The following SCARB1 variants were observed in gnomAD, a reference collection of about 807,000 sequenced individuals.
SCARB1 encodes scavenger receptor class B member 1, also known as CD36 and LIMPII analogous 1.
Under a neutral mutation model 57.2 loss-of-function variants are expected in SCARB1, and 30 were observed. The ratio of observed to expected loss-of-function variants is 0.52; its 90% CI spans 0.39 to 0.71. The LOEUF is 0.71. SCARB1 is among the 30% of genes least tolerant of loss of function. The probability of loss-of-function intolerance (pLI) is 0.00; values close to 1 mark genes in which losing one functional copy is unlikely to be tolerated. For synonymous variants in SCARB1, 249 were observed against 268.3 expected (o/e 0.93, Z 0.70); for missense variants, 543 against 671.2 (o/e 0.81, Z 2.11).
rs538793419 is a variant in SCARB1 at position 124,843,652 on chromosome 12, A to G, written c.126+19943T>C. On this transcript the variant is annotated intron_variant, in intron 1 of 12. Transcript: ENST00000261693. Reference sequence around the variant, plus strand: ...CCTTATTTAAAAATAGGGTCTCTACAGATGTTACCAAGTTAAGGATCCCAA... The same window carrying G: ...CCTTATTTAAAAATAGGGTCTCTACGGATGTTACCAAGTTAAGGATCCCAA... Among the ~76,000 whole-genome samples the G allele has an allele frequency of 5.3e-5, 8 of 152,190 alleles. No homozygotes were observed. The South Asian group carries it at 1.7e-3, about 32-fold the overall frequency.
rs1856598407 is a variant in SCARB1, at chr12:124,810,980, C to CGGGGAGT, written c.727-698_727-692dup. 6.6e-6 allele frequency among the ~76,000 whole-genome samples: 1 copy of CGGGGAGT among 152,042 alleles called. No homozygotes were observed. Among genetic ancestry groups the CGGGGAGT allele is most frequent in the Non-Finnish European group, 1.5e-5 (1 of 68,024 alleles). On this transcript the variant is annotated intron_variant, in intron 5 of 12. Transcript: ENST00000261693. This position sits in a 1 kb window ranked among gnomAD's most constrained non-coding sequence, Gnocchi z 4.0. ...CTCAGGGTCTTTGCAGTAACTACCA[C>CGGGGAGT]GGGGAGTGGGGAGTGGGAAGTCACA...
intron 1 of SCARB1, among the ~76,000 whole-genome samples, chr12:124,856,987 G>A (rs1039670593): frequency 2.6e-5 from 4 of 152,216 alleles, no homozygotes; most frequent in African/African-American, 4.8e-5. Flanking sequence ...ACAAAGCCTC[G>A]AAGGGACCCT....
intron 1 of SCARB1, among the ~76,000 whole-genome samples, chr12:124,847,508 C>G (rs919669900): frequency 6.6e-6 from 1 of 152,256 alleles, no homozygotes; most frequent in South Asian, 2.1e-4. Context: ...CTCCATCCAG[C>G]CTCCCGTTTC....
chr12:124,799,448 C>A (rs755743976), intron 8 of SCARB1, among the ~76,000 whole-genome samples: 1 of 152,002 alleles, frequency 6.6e-6, no homozygotes, highest in Non-Finnish European at 1.5e-5. Flanking sequence ...ATCACCTGAA[C>A]CCAGGGAGGT....
intron 12 of SCARB1, among the ~76,000 whole-genome samples, chr12:124,779,361 G>A (rs533054868): frequency 3.3e-5 from 5 of 152,244 alleles, no homozygotes; most frequent in South Asian, 2.1e-4. Context: ...ATGCAGCTTC[G>A]GTCACATTCA....
intron 12 of SCARB1, among the ~76,000 whole-genome samples, chr12:124,778,869 G>T (rs1411161598): frequency 1.3e-5 from 2 of 152,186 alleles, no homozygotes; most frequent in Non-Finnish European, 2.9e-5. Flanking sequence ...GAGCAAGGGG[G>T]GCGGCCTGTG....
At chr12:124,783,124 T>C in intron 11 of SCARB1, 1 of 351,262 alleles carries the variant, frequency 2.8e-6, no homozygotes, top group Non-Finnish European at 5.3e-6. Context: ...CCAGTGGACT[T>C]AGCTGGGGGG....
chr12:124,794,770 A>C (rs1949881226), intron 9 of SCARB1, among the ~76,000 whole-genome samples: 1 of 152,098 alleles, frequency 6.6e-6, no homozygotes, highest in Non-Finnish European at 1.5e-5. Context: ...ATCTCTACTA[A>C]AAATACCAAA....
chr12:124,854,268 G>A (rs1480341462), intron 1 of SCARB1, among the ~76,000 whole-genome samples: 1 of 152,246 alleles, frequency 6.6e-6, no homozygotes, highest in East Asian at 1.9e-4. Flanking sequence ...GCTTGTGTCA[G>A]GAGAGCTAAG....
chr12:124,841,126 C>G (rs112085243), intron 1 of SCARB1, among the ~76,000 whole-genome samples: 6,201 of 152,284 alleles, frequency 0.041, 434 homozygotes, highest in African/African-American at 0.14. Flanking sequence ...AATCCCAGCA[C>G]TTTGGGAGGC....
intron 7 of SCARB1, among the ~76,000 whole-genome samples, chr12:124,803,381 G>A (rs1008464885): frequency 6.6e-6 from 1 of 152,084 alleles, no homozygotes; most frequent in Non-Finnish European, 1.5e-5. Context: ...ACTAGCCTGG[G>A]CAATATGGTG....
intron 1 of SCARB1, chr12:124,821,398 T>G (rs1950952164): frequency 1.0e-6 from 1 of 985,362 alleles, no homozygotes; most frequent in Non-Finnish European, 1.2e-6. Flanking sequence ...CCTCCTCCCC[T>G]GGCCGCTTGG....
At chr12:124,836,935 T>G (rs1479901214) in intron 1 of SCARB1, among the ~76,000 whole-genome samples, 1 of 138,606 alleles carries the variant, frequency 7.2e-6, no homozygotes, top group Non-Finnish European at 1.5e-5. Context: ...GTCTTGACCT[T>G]GGGTCTGACC....
In SCARB1 at chr12:124,841,099, C is replaced by T. The variant is rs566005872; in HGVS notation, c.126+22496G>A. On this transcript the variant is annotated intron_variant, in intron 1 of 12. Coordinates refer to ENST00000261693, the MANE Select transcript of SCARB1 (RefSeq NM_005505.5). ...CAAGAAAATTGCTTGAGGCTGGGCG[C>T]GGTGGCTCACGCCTGTAATCCCAGC... 3.7e-4 allele frequency among the ~76,000 whole-genome samples: 57 copies of T among 152,058 alleles called. No homozygotes were observed. In the South Asian group the frequency reaches 8.9e-3, roughly 24 times the overall value.
At chr12:124,802,149 C>CA (rs10636464) in intron 7 of SCARB1, among the ~76,000 whole-genome samples, 5,206 of 111,732 alleles carry the variant, frequency 0.047, 357 homozygotes, top group East Asian at 0.27. Context: ...GACTGTGTCT[C>CA]AAAAAAAAAA....
intron 1 of SCARB1, among the ~76,000 whole-genome samples, chr12:124,858,490 C>A (rs934880143): frequency 6.6e-6 from 1 of 152,080 alleles, no homozygotes; most frequent in African/African-American, 2.4e-5. Flanking sequence ...CCACAGGGCC[C>A]CTTTGCAGTG....
At chr12:124,786,070 A>G (rs1187151239) in intron 11 of SCARB1, 1 of 1,521,880 alleles carries the variant, frequency 6.6e-7, no homozygotes, top group Non-Finnish European at 8.8e-7. Context: ...TGATGAATGG[A>G]TGATGCAAGT....
At chr12:124,781,240 C>A (rs564798671) in intron 12 of SCARB1, among the ~76,000 whole-genome samples, 25 of 152,352 alleles carry the variant, frequency 1.6e-4, no homozygotes, top group African/African-American at 6.0e-4. Flanking sequence ...ATCTCCTTGT[C>A]CAGCCCTGGC....
intron 7 of SCARB1, among the ~76,000 whole-genome samples, chr12:124,806,409 C>T (rs185723399): frequency 6.5e-4 from 99 of 152,298 alleles, no homozygotes; most frequent in African/African-American, 2.3e-3. Context: ...AGGGGACCGA[C>T]GCCAACAGCA....
Sources: allele counts gnomAD v4.1 joint callset (sites outside exome capture counted in the v4.1 genomes callset), GRCh38; gene constraint gnomAD v4.1.1; non-coding constraint Gnocchi (gnomAD v3.1); transcripts MANE v1.5; gene names NCBI Gene and HGNC (gene_info 2026-07-23, HGNC 2026-07-21).